The following CAMKMT variants were observed in gnomAD, a reference collection of about 807,000 sequenced individuals.
CAMKMT encodes the protein calmodulin-lysine N-methyltransferase, also known as CaM KMT.
In CAMKMT, 53 loss-of-function variants were observed where a neutral mutation model predicts 48.0. The observed-to-expected ratio is 1.10, with a 90% CI of 0.89 to 1.39. The LOEUF is 1.39. Ranked by LOEUF, CAMKMT falls within the 40% of genes most tolerant of loss-of-function variation. The probability of loss-of-function intolerance (pLI) is 0.00; values close to 1 mark genes in which losing one functional copy is unlikely to be tolerated. For synonymous variants in CAMKMT, 165 were observed against 152.3 expected, an observed-to-expected ratio of 1.08 and a Z score of -0.61; for missense variants, 428 against 402.7, an observed-to-expected ratio of 1.06 and a Z score of -0.54.
chr2:44,714,100 G>C (rs949593741), intron 6 of CAMKMT, among the ~76,000 whole-genome samples: 1 of 152,188 alleles, frequency 6.6e-6, no homozygotes, highest in African/African-American at 2.4e-5. Flanking sequence ...TTGGAAATTG[G>C]AAAGCCAGGA....
intron 3 of CAMKMT, among the ~76,000 whole-genome samples, chr2:44,495,461 T>C (rs187452642): frequency 6.6e-6 from 1 of 152,316 alleles, no homozygotes; most frequent in Non-Finnish European, 1.5e-5. Flanking sequence ...GATATTTATT[T>C]TGAGGACTGA....
intron 9 of CAMKMT, among the ~76,000 whole-genome samples, chr2:44,758,662 C>G (rs1680481859): frequency 6.6e-6 from 1 of 152,194 alleles, no homozygotes. Flanking sequence ...CTCAACCCCC[C>G]ACTCACTTTT....
intron 3 of CAMKMT, among the ~76,000 whole-genome samples, chr2:44,455,126 A>T (rs1371480046): frequency 6.6e-6 from 1 of 152,182 alleles, no homozygotes; most frequent in Non-Finnish European, 1.5e-5. Flanking sequence ...CTTGAGAAGA[A>T]ATTCATGGTA....
chr2:44,652,936 C>T (rs1008181736), intron 3 of CAMKMT, among the ~76,000 whole-genome samples: 1 of 152,200 alleles, frequency 6.6e-6, no homozygotes, highest in African/African-American at 2.4e-5. Context: ...TGCCATCTGG[C>T]TGGTTGCCTG....
chr2:44,517,670 G>C (rs774385556), intron 3 of CAMKMT, among the ~76,000 whole-genome samples: 1 of 152,142 alleles, frequency 6.6e-6, no homozygotes, highest in Non-Finnish European at 1.5e-5. Flanking sequence ...GTATCCTCAA[G>C]TTACAGGCCA....
intron 3 of CAMKMT, among the ~76,000 whole-genome samples, chr2:44,572,881 A>G (rs1293496253): frequency 1.3e-5 from 2 of 152,216 alleles, no homozygotes; most frequent in Non-Finnish European, 2.9e-5. Context: ...CGGTGGCTAC[A>G]TCGTTTTACA....
chr2:44,605,130 A>C (rs1018900551), intron 3 of CAMKMT, among the ~76,000 whole-genome samples: 2 of 152,060 alleles, frequency 1.3e-5, no homozygotes, highest in African/African-American at 4.8e-5. Context: ...TCTTTTTCTT[A>C]ATTATTTGTG....
intron 9 of CAMKMT, among the ~76,000 whole-genome samples, chr2:44,755,434 C>T (rs1406595741): frequency 4.6e-5 from 7 of 152,200 alleles, no homozygotes; most frequent in South Asian, 2.1e-4. Context: ...TTTTCAGGGG[C>T]GGCTCAAGAT....
intron 3 of CAMKMT, among the ~76,000 whole-genome samples, chr2:44,676,211 G>T (rs1184821815): frequency 6.6e-6 from 1 of 151,332 alleles, no homozygotes; most frequent in Non-Finnish European, 1.5e-5. Context: ...TCCCTCTCTC[G>T]CTCTCTCTCT....
intron 3 of CAMKMT, among the ~76,000 whole-genome samples, chr2:44,645,183 CA>C (rs1673665284): frequency 6.6e-6 from 1 of 152,134 alleles, no homozygotes; most frequent in Admixed American, 6.5e-5. Flanking sequence ...AGTAGGAGGC[CA>C]GGGGTAAAAG....
At chr2:44,669,596 G>C (rs1251727003) in intron 3 of CAMKMT, among the ~76,000 whole-genome samples, 2 of 151,934 alleles carry the variant, frequency 1.3e-5, no homozygotes, top group Non-Finnish European at 2.9e-5. Flanking sequence ...TAAAAATTTT[G>C]CTAGTCTGTT....
At chr2:44,569,215 T>C (rs1242553522) in intron 3 of CAMKMT, among the ~76,000 whole-genome samples, 1 of 152,206 alleles carries the variant, frequency 6.6e-6, no homozygotes, top group Non-Finnish European at 1.5e-5. Context: ...ATCTCACTTC[T>C]TCAAAATAAA....
intron 1 of CAMKMT, among the ~76,000 whole-genome samples, chr2:44,367,005 G>A (rs1678664679): frequency 6.6e-6 from 1 of 152,146 alleles, no homozygotes; most frequent in Non-Finnish European, 1.5e-5. Context: ...GATTACACGT[G>A]TGAGCCACCA....
At chr2:44,518,412 CAT>C (rs1460703307) in intron 3 of CAMKMT, among the ~76,000 whole-genome samples, 1 of 152,050 alleles carries the variant, frequency 6.6e-6, no homozygotes, top group Non-Finnish European at 1.5e-5. Context: ...AAATAAAAAA[CAT>C]AATGTTTGCT....
chr2:44,613,907 A>G (rs1158311541), intron 3 of CAMKMT, among the ~76,000 whole-genome samples: 1 of 152,216 alleles, frequency 6.6e-6, no homozygotes, highest in Non-Finnish European at 1.5e-5. Context: ...CATGATGTCT[A>G]ACAGTCTTAA....
At chr2:44,667,032 A>T (rs78649968) in intron 3 of CAMKMT, among the ~76,000 whole-genome samples, 3,090 of 152,298 alleles carry the variant, frequency 0.02, 53 homozygotes, top group Non-Finnish European at 0.032. Context: ...GAATCTAAAG[A>T]TATAGCCATA....
chr2:44,541,234 A>T (rs533611598), intron 3 of CAMKMT, among the ~76,000 whole-genome samples: 140 of 152,286 alleles, frequency 9.2e-4, no homozygotes, highest in Non-Finnish European at 1.5e-3. Flanking sequence ...GTTCCATTTT[A>T]AAAAAAGTGA....
At chr2:44,468,913 C>G (rs1668269453) in intron 3 of CAMKMT, among the ~76,000 whole-genome samples, 2 of 152,028 alleles carry the variant, frequency 1.3e-5, no homozygotes, top group Non-Finnish European at 2.9e-5. Flanking sequence ...GTGTGAGACC[C>G]TGTCTCAAAA....
chr2:44,768,361 A>ATATATATATATATATTTTTTTT (rs35058824), intron 10 of CAMKMT, among the ~76,000 whole-genome samples: 1 of 115,742 alleles, frequency 8.6e-6, no homozygotes, highest in African/African-American at 3.7e-5. Context: ...ATATATATAT[A>ATATATATATATATATTTTTTTT]TTTTTTTTTT....
Sources: gnomAD v4.1 joint callset for allele counts (sites outside exome capture counted in the v4.1 genomes callset) on GRCh38, gnomAD v4.1.1 for gene constraint, MANE v1.5 for transcripts, NCBI Gene and HGNC (gene_info 2026-07-23, HGNC 2026-07-21) for gene names.